Variants in ARL6IP6 observed in about 807,000 individuals in gnomAD.
The protein encoded by ARL6IP6 is ADP-ribosylation factor-like protein 6-interacting protein 6.
A neutral mutation model predicts 21.5 loss-of-function variants in ARL6IP6; 22 were observed. The observed-to-expected ratio is 1.02, with a 90% CI of 0.73 to 1.46. The LOEUF (loss-of-function observed/expected upper bound fraction) is 1.46, where lower values mean the gene tolerates loss of function less well. Ranked by LOEUF, ARL6IP6 falls within the 40% of genes most tolerant of loss-of-function variation. The pLI is 0.00. For synonymous variants in ARL6IP6, 164 were observed against 125.3 expected (o/e 1.31, Z -2.06); for missense variants, 388 against 299.8 (o/e 1.29, Z -2.17).
At chr2:152,736,258 A>G (rs187069061) in intron 3 of ARL6IP6, among the ~76,000 whole-genome samples, 88 of 152,324 alleles carry the variant, frequency 5.8e-4, no homozygotes, top group African/African-American at 1.7e-3. Context: ...AATAACAGGT[A>G]TAAGTCTAGG....
chr2:152,759,676 A>G, intron 3 of ARL6IP6, 71 bp from the exon 4 acceptor site: 2 of 1,250,730 alleles, frequency 1.6e-6, no homozygotes, highest in Non-Finnish European at 2.3e-6. Flanking sequence ...ATTTTCGATG[A>G]AAACTTTTGG....
chr2:152,730,628 G>T (rs528076663), intron 2 of ARL6IP6, among the ~76,000 whole-genome samples: 4 of 152,132 alleles, frequency 2.6e-5, no homozygotes, highest in African/African-American at 9.7e-5. Flanking sequence ...TGAGGTGCTA[G>T]AGGTGGATAC....
chr2:152,719,044 G>T lies in ARL6IP6; in HGVS notation c.400+20G>T. 4 of 1,516,606 alleles carry T rather than the reference G, an allele frequency of 2.6e-6. 1 individual carries two copies. In the South Asian group the frequency reaches 3.9e-5, roughly 15 times the overall value. 93.9% of individuals were successfully genotyped at this position (1,516,606 alleles called of 1,614,324 possible). A position where few individuals can be genotyped will look rare whatever the true frequency, so the allele number is the denominator to read the frequency against. Reference sequence around the variant, plus strand: ...TTAAAGGTATTGAAGCCGACGCCTTGAAAGTCTGTCCAGAGTAAAGTTGAG... The same window carrying T: ...TTAAAGGTATTGAAGCCGACGCCTTTAAAGTCTGTCCAGAGTAAAGTTGAG... On this transcript the variant is annotated intron_variant, in intron 1 of 3. Coordinates refer to ENST00000326446, the MANE Select transcript of ARL6IP6 (RefSeq NM_152522.7).
At chr2:152,734,675 T>G (rs900862045) in intron 2 of ARL6IP6, among the ~76,000 whole-genome samples, 1 of 152,194 alleles carries the variant, frequency 6.6e-6, no homozygotes, top group Non-Finnish European at 1.5e-5. Flanking sequence ...CTTAAGAGTC[T>G]TGTGAAATGT....
chr2:152,743,262 CTG>C (rs1700900868), intron 3 of ARL6IP6, among the ~76,000 whole-genome samples: 1 of 152,066 alleles, frequency 6.6e-6, no homozygotes, highest in Admixed American at 6.6e-5. Context: ...AAAAACCACT[CTG>C]ATAATAAATG....
intron 2 of ARL6IP6, among the ~76,000 whole-genome samples, chr2:152,721,558 C>G (rs138764384): frequency 2.8e-3 from 423 of 152,332 alleles, no homozygotes; most frequent in Non-Finnish European, 4.9e-3. Context: ...TTTGATCACT[C>G]TAAATTGGGG....
At chr2:152,753,892 G>A (rs796793098) in intron 3 of ARL6IP6, among the ~76,000 whole-genome samples, 197 of 151,852 alleles carry the variant, frequency 1.3e-3, no homozygotes, top group African/African-American at 4.5e-3. Flanking sequence ...TAGTAGAGAC[G>A]GGGTTTCACC....
intron 2 of ARL6IP6, among the ~76,000 whole-genome samples, chr2:152,720,999 T>A (rs147713742): frequency 9.2e-4 from 140 of 152,218 alleles, no homozygotes; most frequent in African/African-American, 3.1e-3. Context: ...GAGGCTGATG[T>A]GGGAGGATCA....
intron 2 of ARL6IP6, among the ~76,000 whole-genome samples, chr2:152,724,877 A>C (rs2105095644): frequency 6.9e-6 from 1 of 145,078 alleles, no homozygotes; most frequent in African/African-American, 2.6e-5. Context: ...CCACTGGCCT[A>C]GTAGTTCCCA....
intron 3 of ARL6IP6, among the ~76,000 whole-genome samples, chr2:152,747,006 A>G (rs1337695474): frequency 6.6e-6 from 1 of 151,104 alleles, no homozygotes; most frequent in Non-Finnish European, 1.5e-5. Context: ...TTTTATTTTT[A>G]TTTTGTAGAG....
At chr2:152,749,625 T>C (rs1188860574) in intron 3 of ARL6IP6, among the ~76,000 whole-genome samples, 1 of 152,184 alleles carries the variant, frequency 6.6e-6, no homozygotes, top group Non-Finnish European at 1.5e-5. Flanking sequence ...TATTTTTGTT[T>C]CCATTGTATG....
intron 3 of ARL6IP6, among the ~76,000 whole-genome samples, chr2:152,747,851 G>A (rs79615205): frequency 0.13 from 19,520 of 152,114 alleles, 1,545 homozygotes; most frequent in Middle Eastern, 0.24. Context: ...GATTGCAGGC[G>A]TGAGCCACCA....
Position 152,759,003 on chromosome 2 carries a change from C to T in ARL6IP6, c.588-744C>T, listed in dbSNP as rs1701711354. Among the ~76,000 whole-genome samples, 3 of 152,160 alleles carry T rather than the reference C, an allele frequency of 2.0e-5. No homozygotes were observed. In the South Asian group the frequency reaches 6.2e-4, roughly 32 times the overall value. ...CCTTCTAGAGAGTCTCAGTTGGATA[C>T]TACCTTCTTTTCTTTTTAATATGTC... On this transcript the variant is annotated intron_variant, in intron 3 of 3. Transcript: ENST00000326446.
At chr2:152,720,021 T>G in intron 1 of ARL6IP6, 1 of 452,840 alleles carries the variant, frequency 2.2e-6, no homozygotes, top group Non-Finnish European at 4.6e-6. Flanking sequence ...TGAATGTGCA[T>G]AAAATGCAAG....
At chr2:152,752,426 T>C (rs1484051329) in intron 3 of ARL6IP6, among the ~76,000 whole-genome samples, 2 of 152,226 alleles carry the variant, frequency 1.3e-5, no homozygotes, top group Admixed American at 6.5e-5. Flanking sequence ...CTTTTAGGAA[T>C]GCCTTGAGTA....
At chr2:152,719,105 T>C in intron 1 of ARL6IP6, 81 bp downstream of exon 1, 1 of 1,399,946 alleles carries the variant, frequency 7.1e-7, no homozygotes, top group Non-Finnish European at 9.4e-7. Flanking sequence ...CATCTCCCTT[T>C]CCCTCGCGCT....
chr2:152,733,837 C>T (rs548215617), intron 2 of ARL6IP6, among the ~76,000 whole-genome samples: 1 of 152,182 alleles, frequency 6.6e-6, no homozygotes, highest in Non-Finnish European at 1.5e-5. Flanking sequence ...TCCTATCCCA[C>T]TAGAATTACT....
intron 3 of ARL6IP6, among the ~76,000 whole-genome samples, chr2:152,738,816 A>G (rs12477881): frequency 0.82 from 124,027 of 152,120 alleles, 50,704 homozygotes; most frequent in Admixed American, 0.86. Context: ...TTGGCTCCTC[A>G]TTATTTCTGC....
intron 3 of ARL6IP6, among the ~76,000 whole-genome samples, chr2:152,746,433 G>A (rs1019000538): frequency 3.3e-5 from 5 of 152,174 alleles, no homozygotes; most frequent in African/African-American, 1.2e-4. Context: ...GACAGTGCTT[G>A]CCAATTTTGT....
Sources: gnomAD v4.1 joint callset for allele counts (sites outside exome capture counted in the v4.1 genomes callset) on GRCh38, gnomAD v4.1.1 for gene constraint, MANE v1.5 for transcripts, NCBI Gene and HGNC (gene_info 2026-07-23, HGNC 2026-07-21) for gene names.